Variants in ATP2B2 observed in about 807,000 individuals in gnomAD.
ATP2B2 encodes ATPase plasma membrane Ca2+ transporting 2.
In ATP2B2, 15 loss-of-function variants were observed where a neutral mutation model predicts 120.0. The observed-to-expected ratio is 0.12, with a 90% CI of 0.08 to 0.19. The LOEUF (loss-of-function observed/expected upper bound fraction) is 0.19, where lower values mean the gene tolerates loss of function less well. ATP2B2 is among the 10% of genes least tolerant of loss of function. ATP2B2 has a pLI of 1.00. For synonymous variants in ATP2B2, 694 were observed against 700.3 expected, an observed-to-expected ratio of 0.99 and a Z score of 0.14; for missense variants, 1,045 against 1,719.8, an observed-to-expected ratio of 0.61 and a Z score of 6.94.
intron 12 of ATP2B2, among the ~76,000 whole-genome samples, chr3:10,368,469 TCATC>T (rs1559237306): frequency 2.0e-5 from 3 of 151,110 alleles, no homozygotes; most frequent in Non-Finnish European, 3.0e-5. Flanking sequence ...ATTCGTCCAT[TCATC>T]CATCCATCTA....
At chr3:10,470,004 C>A (rs1408504269) in intron 1 of ATP2B2, among the ~76,000 whole-genome samples, 1 of 151,976 alleles carries the variant, frequency 6.6e-6, no homozygotes, top group Admixed American at 6.6e-5. Flanking sequence ...ACAGCGCAGC[C>A]CCCGTGGGGG....
At chr3:10,424,951 C>G (rs1354182539) in intron 2 of ATP2B2, among the ~76,000 whole-genome samples, 1 of 152,094 alleles carries the variant, frequency 6.6e-6, no homozygotes, top group South Asian at 2.1e-4. Context: ...GGAAAGGGCA[C>G]TATGATTAGT....
At chr3:10,556,847 A>G (rs1039697649) in intron 2 of ATP2B2, among the ~76,000 whole-genome samples, 4 of 152,268 alleles carry the variant, frequency 2.6e-5, no homozygotes, top group Admixed American at 2.6e-4. Flanking sequence ...TCTTACAGCA[A>G]CCCTCTGGGG....
At chr3:10,350,640 A>G in intron 14 of ATP2B2, 63 bp from the exon 15 acceptor site, 2 of 1,559,448 alleles carry the variant, frequency 1.3e-6, no homozygotes, top group South Asian at 1.1e-5. Flanking sequence ...CCCTGCCTTC[A>G]TGGATTCCAG....
At position 10,400,963 on chromosome 3, in the gene ATP2B2, C is replaced by T; in HGVS notation, c.771G>A (p.Met257Ile). ...QVRKSVDKDP[M>I]LLSGTHVMEG... ...CAGGCTGAAGCTCACCTGACAGCAG[C>T]ATGGGGTCCTTGTCCACGGACTTGC... The change falls in exon 5 of 23, where the codon ATG becomes ATA. Residue 257 changes from methionine to isoleucine, a missense_variant. Transcript: ENST00000360273. 6.2e-7 allele frequency: 1 copy of T among 1,614,084 alleles called. No individual in the cohort carries two copies. Among genetic ancestry groups the T allele is most frequent in the Non-Finnish European group, 8.5e-7 (1 of 1,179,962 alleles).
chr3:10,678,480 G>T (rs2071300898), intron 1 of ATP2B2, among the ~76,000 whole-genome samples: 1 of 152,162 alleles, frequency 6.6e-6, no homozygotes, highest in African/African-American at 2.4e-5. Flanking sequence ...GTGTTTGTTT[G>T]TGGGGGACCA....
chr3:10,486,358 T>TGTG lies in ATP2B2; in HGVS notation c.-320+19106_-320+19107insCAC, dbSNP rs1198137032. 2.6e-5 allele frequency among the ~76,000 whole-genome samples: 4 copies of TGTG among 151,916 alleles called. No individual in the cohort carries two copies. The East Asian group carries it at 5.8e-4, about 22-fold the overall frequency. On this transcript the variant is annotated intron_variant, in intron 1 of 22. Transcript: ENST00000360273. Reference sequence around the variant, plus strand: ...GTGTGTGTGTGTGTGTGTGTGTGTGTGTCTCAGCCCTGCATAAGATGCTCC... The same window carrying TGTG: ...GTGTGTGTGTGTGTGTGTGTGTGTGTGTGGTCTCAGCCCTGCATAAGATGCTCC...
intron 2 of ATP2B2, among the ~76,000 whole-genome samples, chr3:10,586,903 T>G (rs2068522284): frequency 1.3e-5 from 2 of 152,180 alleles, no homozygotes; most frequent in Non-Finnish European, 2.9e-5. Flanking sequence ...TGGCACCTCC[T>G]CAGTGGGCTC....
chr3:10,575,026 C>G lies in ATP2B2; in HGVS notation c.-414-40893G>C, dbSNP rs75359434. On this transcript the variant is annotated intron_variant, in intron 2 of 21. Transcript: ENST00000646379. ...GACACACCCAGACCCCACATGTCAA[C>G]AAGGGCCTGAGTAAACCCTGGTATT... is the stretch of plus-strand genomic sequence containing the variant. 5.7e-3 allele frequency among the ~76,000 whole-genome samples: 861 copies of G among 152,310 alleles called. 8 individuals are homozygous for G. The highest frequency in any genetic ancestry group is 0.019 in the African/African-American group (794 of 41,546).
At chr3:10,611,084 C>G (rs2069224207) in intron 2 of ATP2B2, among the ~76,000 whole-genome samples, 1 of 152,220 alleles carries the variant, frequency 6.6e-6, no homozygotes. Context: ...AGATCAGAGA[C>G]ATTTCCAAAT....
chr3:10,344,883 G>A (rs991682114), intron 18 of ATP2B2, among the ~76,000 whole-genome samples: 1 of 152,162 alleles, frequency 6.6e-6, no homozygotes, highest in Non-Finnish European at 1.5e-5. Context: ...CCTTCCCAGT[G>A]AGCAAGATCC....
intron 2 of ATP2B2, among the ~76,000 whole-genome samples, chr3:10,539,947 G>A (rs1398581196): frequency 6.6e-6 from 1 of 152,158 alleles, no homozygotes; most frequent in Non-Finnish European, 1.5e-5. Context: ...CAGAATGGGA[G>A]AAAATTTTTG....
chr3:10,451,059 C>T (rs1344034392), intron 1 of ATP2B2, among the ~76,000 whole-genome samples: 2 of 152,314 alleles, frequency 1.3e-5, no homozygotes, highest in African/African-American at 2.4e-5. Context: ...ATAACCTTTT[C>T]GTCTTTCACA....
intron 14 of ATP2B2, among the ~76,000 whole-genome samples, chr3:10,351,383 A>G (rs1042156771): frequency 6.6e-6 from 1 of 152,230 alleles, no homozygotes; most frequent in Non-Finnish European, 1.5e-5. Context: ...AGTGACAAAT[A>G]ATAAAATAAT....
chr3:10,443,663 C>T (rs1373654985), intron 2 of ATP2B2, among the ~76,000 whole-genome samples: 4 of 152,168 alleles, frequency 2.6e-5, no homozygotes, highest in Non-Finnish European at 4.4e-5. Flanking sequence ...CATTTGAGGT[C>T]CTGGAGCCAG....
rs1437913601 is a variant in ATP2B2, at chr3:10,635,609, T to C, written c.-459-15648A>G. ...AGCTGCCTAGAATGATCTGCCACAATTTGGCCCTAGTGGAAAATTCCACTA... is the reference window on the plus strand; with the variant it reads ...AGCTGCCTAGAATGATCTGCCACAACTTGGCCCTAGTGGAAAATTCCACTA... On this transcript the variant is annotated intron_variant, in intron 1 of 21. Transcript: ENST00000646379. This position sits in a 1 kb window ranked among gnomAD's most constrained non-coding sequence, Gnocchi z 4.3. Among the ~76,000 whole-genome samples the C allele has an allele frequency of 6.6e-6, 1 of 152,178 alleles. No homozygotes were observed. The highest frequency in any genetic ancestry group is 2.4e-5 in the African/African-American group (1 of 41,442).
intron 1 of ATP2B2, among the ~76,000 whole-genome samples, chr3:10,500,446 C>T (rs1020093939): frequency 8.5e-5 from 13 of 152,086 alleles, no homozygotes; most frequent in Non-Finnish European, 1.8e-4. Flanking sequence ...GAAATAGGAT[C>T]TTTGCAGATG....
chr3:10,436,416 C>T (rs992131840), intron 2 of ATP2B2, among the ~76,000 whole-genome samples: 2 of 152,184 alleles, frequency 1.3e-5, no homozygotes, highest in African/African-American at 2.4e-5. Flanking sequence ...ACGTGGGTAA[C>T]GTGGTGGTAT....
chr3:10,562,962 C>G (rs1214551141), intron 2 of ATP2B2, among the ~76,000 whole-genome samples: 1 of 152,188 alleles, frequency 6.6e-6, no homozygotes. Context: ...AGCATACATG[C>G]TTTGAATGAA....
Sources: gnomAD v4.1 joint callset for allele counts (sites outside exome capture counted in the v4.1 genomes callset) on GRCh38, gnomAD v4.1.1 for gene constraint, Gnocchi (gnomAD v3.1) non-coding constraint, MANE v1.5 for transcripts, NCBI Gene and HGNC (gene_info 2026-07-23, HGNC 2026-07-21) for gene names.